Variants in ZSWIM6 observed in about 807,000 individuals in gnomAD.
ZSWIM6 encodes zinc finger SWIM-type containing 6.
Under a neutral mutation model 113.2 loss-of-function variants are expected in ZSWIM6, and 9 were observed. The ratio of observed to expected loss-of-function variants is 0.08; its 90% confidence interval spans 0.05 to 0.14. The LOEUF is 0.14. Ranked by LOEUF, ZSWIM6 falls within the 10% of genes least tolerant of loss-of-function variation. ZSWIM6 has a pLI of 1.00. For missense variants in ZSWIM6, 1,162 were observed against 1,552.2 expected, an observed-to-expected ratio of 0.75 and a Z score of 4.22; for synonymous variants, 611 against 606.5, an observed-to-expected ratio of 1.01 and a Z score of -0.11.
At chr5:61,355,326 TGCCCCCG>T (rs1356124606) in intron 1 of ZSWIM6, among the ~76,000 whole-genome samples, 3 of 152,058 alleles carry the variant, frequency 2.0e-5, no homozygotes, top group Admixed American at 2.0e-4. Context: ...CAAGTTGAGA[TGCCCCCG>T]GCTTTCAGAC....
At chr5:61,432,982 G>A (rs1746618404) in intron 1 of ZSWIM6, among the ~76,000 whole-genome samples, 1 of 152,054 alleles carries the variant, frequency 6.6e-6, no homozygotes, top group Non-Finnish European at 1.5e-5. Flanking sequence ...GCTTTGTTTT[G>A]GTGGGTCGTT....
At chr5:61,403,462 A>T (rs1338544546) in intron 1 of ZSWIM6, among the ~76,000 whole-genome samples, 1 of 152,196 alleles carries the variant, frequency 6.6e-6, no homozygotes, top group Non-Finnish European at 1.5e-5. Flanking sequence ...AAACAGGAAA[A>T]TTCTAATCCA....
intron 1 of ZSWIM6, among the ~76,000 whole-genome samples, chr5:61,431,961 G>C (rs1292454132): frequency 6.6e-6 from 1 of 151,876 alleles, no homozygotes; most frequent in Non-Finnish European, 1.5e-5. Context: ...AAACTGTAGT[G>C]GGTTTTTCTC....
intron 1 of ZSWIM6, among the ~76,000 whole-genome samples, chr5:61,453,207 T>C (rs187878368): frequency 1.2e-3 from 187 of 152,342 alleles, no homozygotes; most frequent in Non-Finnish European, 2.3e-3. Context: ...TTTAGTTTAT[T>C]GTTTTTAATC....
intron 1 of ZSWIM6, among the ~76,000 whole-genome samples, chr5:61,419,162 A>G (rs865830184): frequency 2.5e-4 from 38 of 152,332 alleles, no homozygotes; most frequent in Middle Eastern, 6.8e-3. Flanking sequence ...CATGTATAGT[A>G]ATGAATTTTC....
intron 1 of ZSWIM6, among the ~76,000 whole-genome samples, chr5:61,371,753 A>G (rs1043412229): frequency 2.0e-5 from 3 of 152,074 alleles, no homozygotes; most frequent in Non-Finnish European, 4.4e-5. Context: ...AAGGGGTGTA[A>G]ATAACTAAGC....
intron 2 of ZSWIM6, among the ~76,000 whole-genome samples, chr5:61,488,229 A>G (rs549603294): frequency 2.0e-5 from 3 of 151,970 alleles, no homozygotes; most frequent in Non-Finnish European, 4.4e-5. Flanking sequence ...CATGGTGTAT[A>G]ATCTTTCTGA....
At chr5:61,404,654 GAGAGA>G (rs907772995) in intron 1 of ZSWIM6, among the ~76,000 whole-genome samples, 154 of 152,364 alleles carry the variant, frequency 1.0e-3, no homozygotes, top group African/African-American at 3.6e-3. Flanking sequence ...AGAAGTAGAA[GAGAGA>G]AGCTAAGTCC....
Position 61,361,927 on chromosome 5 carries a change from G to C in ZSWIM6, c.676+28979G>C, listed in dbSNP as rs546690229. 2.0e-5 allele frequency among the ~76,000 whole-genome samples: 3 copies of C among 152,258 alleles called. No homozygotes were observed. The East Asian group carries it at 5.8e-4, about 29-fold the overall frequency. On this transcript the variant is annotated intron_variant, in intron 1 of 13. Transcript: ENST00000252744. Reference sequence around the variant, plus strand: ...GTTTGGCACCTTTAGAACGCTAACAGACAAACCTAAAATGATTAACCATTA... The same window carrying C: ...GTTTGGCACCTTTAGAACGCTAACACACAAACCTAAAATGATTAACCATTA...
chr5:61,509,212 TTTC>T (rs1252410393), intron 4 of ZSWIM6, among the ~76,000 whole-genome samples: 2 of 152,206 alleles, frequency 1.3e-5, no homozygotes, highest in African/African-American at 2.4e-5. Flanking sequence ...TTTCATAATA[TTTC>T]ATTTGCAGTA....
At chr5:61,345,102 GC>G (rs1482974796) in intron 1 of ZSWIM6, among the ~76,000 whole-genome samples, 2 of 152,090 alleles carry the variant, frequency 1.3e-5, no homozygotes, top group African/African-American at 4.8e-5. Context: ...TATTTACTAT[GC>G]CTCGGGGGTT....
At chr5:61,425,986 T>C (rs1746456120) in intron 1 of ZSWIM6, among the ~76,000 whole-genome samples, 1 of 152,216 alleles carries the variant, frequency 6.6e-6, no homozygotes, top group South Asian at 2.1e-4. Flanking sequence ...AGGATAGCTA[T>C]CTTTCTTCCT....
At position 61,530,076 on chromosome 5, in the gene ZSWIM6, C is replaced by G. The variant is rs534372787; in HGVS notation, c.1862C>G (p.Ser621Trp). 9.0e-6 allele frequency: 14 copies of G among 1,551,282 alleles called. No homozygotes were observed. Among genetic ancestry groups the G allele is most frequent in the Non-Finnish European group, 1.1e-5 (13 of 1,146,776 alleles). The change falls in exon 8 of 14, where the codon TCG (serine) becomes TGG (tryptophan). Residue 621 changes from serine to tryptophan, a missense_variant. Physicochemically the swap from Ser to Trp is radical, Grantham distance 177 (BLOSUM62 -3). Coordinates refer to ENST00000252744, the MANE Select transcript of ZSWIM6 (RefSeq NM_020928.2). ...KKELPHKNIT[S>W]ITNLEGWVGH... The stretch of plus-strand genomic sequence containing the variant: ...GAGCTACCCCATAAAAACATAACCT[C>G]GATAACCAATCTGGAGGGCTGGGTT...
At chr5:61,410,923 T>A (rs1746138602) in intron 1 of ZSWIM6, among the ~76,000 whole-genome samples, 1 of 152,224 alleles carries the variant, frequency 6.6e-6, no homozygotes, top group Non-Finnish European at 1.5e-5. Flanking sequence ...ATGCTTTTTA[T>A]TAGTTTTCCT....
At chr5:61,489,292 C>T (rs1020872148) in intron 2 of ZSWIM6, among the ~76,000 whole-genome samples, 1 of 152,042 alleles carries the variant, frequency 6.6e-6, no homozygotes, top group Non-Finnish European at 1.5e-5. Flanking sequence ...ATCCAAGGCC[C>T]AGTCAGAATT....
At chr5:61,473,594 GTATT>G (rs1312574773) in intron 2 of ZSWIM6, among the ~76,000 whole-genome samples, 2 of 152,044 alleles carry the variant, frequency 1.3e-5, no homozygotes, top group African/African-American at 4.8e-5. Context: ...TATTTATCGA[GTATT>G]TATTTTATGC....
At chr5:61,419,069 G>A (rs1024502756) in intron 1 of ZSWIM6, among the ~76,000 whole-genome samples, 16 of 152,222 alleles carry the variant, frequency 1.1e-4, no homozygotes, top group African/African-American at 3.6e-4. Flanking sequence ...TGATCCCCCT[G>A]CCTTGGCCTT....
At chr5:61,438,264 A>T (rs1360527850) in intron 1 of ZSWIM6, among the ~76,000 whole-genome samples, 1 of 152,268 alleles carries the variant, frequency 6.6e-6, no homozygotes, top group African/African-American at 2.4e-5. Context: ...ATAAGTGTAC[A>T]GATTTCCCAG....
rs576591313 is a variant in ZSWIM6 at position 61,544,366 on chromosome 5, G to A, written c.*49G>A. On this transcript the variant is annotated 3_prime_UTR_variant, in exon 14 of 14. Coordinates refer to ENST00000252744, the MANE Select transcript of ZSWIM6 (RefSeq NM_020928.2). ...GGGGTGGGGATGGGAGGGATGGTTT[G>A]TTTTTACTTGAGCCTGCCTTTGTAC... 1.1e-6 allele frequency: 1 copy of A among 932,662 alleles called. No individual in the cohort carries two copies. Among genetic ancestry groups the A allele is most frequent in the South Asian group, 1.6e-5 (1 of 63,902 alleles). 57.8% of individuals were successfully genotyped at this position (932,662 alleles called of 1,614,324 possible). A position where few individuals can be genotyped will look rare whatever the true frequency, so the allele number is the denominator to read the frequency against.
Sources: gnomAD v4.1 joint callset for allele counts (sites outside exome capture counted in the v4.1 genomes callset) on GRCh38, gnomAD v4.1.1 for gene constraint, MANE v1.5 for transcripts, NCBI Gene and HGNC (gene_info 2026-07-23, HGNC 2026-07-21) for gene names.